Variants in TMCC1 observed in about 807,000 individuals in gnomAD.
TMCC1 encodes transmembrane and coiled-coil domains protein 1.
In TMCC1, 15 loss-of-function variants were observed where a neutral mutation model predicts 52.4. The observed-to-expected ratio is 0.29, with a 90% CI of 0.19 to 0.44. The LOEUF is 0.44. Ranked by LOEUF, TMCC1 falls within the 20% of genes least tolerant of loss-of-function variation. The pLI is 1.00. For missense variants in TMCC1, 503 were observed against 806.0 expected (o/e 0.62, Z 4.55); for synonymous variants, 279 against 301.9 (o/e 0.92, Z 0.79).
At chr3:129,707,842 G>A (rs935887288) in intron 4 of TMCC1, among the ~76,000 whole-genome samples, 2 of 151,818 alleles carry the variant, frequency 1.3e-5, no homozygotes, top group African/African-American at 4.8e-5. Flanking sequence ...TGAGGCAGGA[G>A]AACTGCTTGA....
intron 4 of TMCC1, among the ~76,000 whole-genome samples, chr3:129,752,926 C>T (rs751478739): frequency 2.0e-5 from 3 of 152,104 alleles, no homozygotes; most frequent in Non-Finnish European, 4.4e-5. Context: ...GAAGCAGGCA[C>T]ATCTTCACAT....
intron 2 of TMCC1, among the ~76,000 whole-genome samples, chr3:129,876,204 CTATGT>C (rs1295245789): frequency 6.7e-6 from 1 of 148,884 alleles, no homozygotes. Flanking sequence ...TTGATAATTG[CTATGT>C]TGAACACAAC....
intron 4 of TMCC1, among the ~76,000 whole-genome samples, chr3:129,724,919 TGGGATAAGGA>T (rs2049952730): frequency 6.6e-6 from 1 of 152,022 alleles, no homozygotes; most frequent in African/African-American, 2.4e-5. Flanking sequence ...AATAGTTCAG[TGGGATAAGGA>T]GGGATAAGGA....
intron 4 of TMCC1, among the ~76,000 whole-genome samples, chr3:129,714,680 A>C (rs1488499113): frequency 6.6e-6 from 1 of 152,188 alleles, no homozygotes; most frequent in African/African-American, 2.4e-5. Flanking sequence ...AGATTTTTCA[A>C]ACAGATAATG....
chr3:129,650,374 A>G lies in TMCC1; in HGVS notation c.*1107T>C, dbSNP rs1325513167. ...AACCCTTTCCTCTTCAACTAAGCCA[A>G]ACCCATAAAACGGGGGCGTAGGTAT... On this transcript the variant is annotated 3_prime_UTR_variant, in exon 7 of 7. Transcript: ENST00000393238. 6.6e-6 allele frequency: 1 copy of G among 152,468 alleles called. No individual in the cohort carries two copies. The highest frequency in any genetic ancestry group is 1.5e-5 in the Non-Finnish European group (1 of 68,056). The allele number at this position is 152,468 out of a possible 1,614,324, so 9.4% of individuals were successfully genotyped here. A position where few individuals can be genotyped will look rare whatever the true frequency, so the allele number is the denominator to read the frequency against.
chr3:129,651,380 CTT>C lies in TMCC1; in HGVS notation c.*99_*100del, dbSNP rs1322064617. The C allele has an allele frequency of 2.3e-5, 29 of 1,275,304 alleles. No individual in the cohort carries two copies. Among genetic ancestry groups the C allele is most frequent in the Non-Finnish European group, 5.4e-6 (5 of 921,930 alleles). 79.0% of individuals were successfully genotyped at this position (1,275,304 alleles called of 1,614,324 possible). A position where few individuals can be genotyped will look rare whatever the true frequency, so the allele number is the denominator to read the frequency against. Reference sequence around the variant, plus strand: ...TAAATGTAAACAGATTCACTCAACTCTTTTTTTGTTGTAGAAAACTTCAGAGT... The same window carrying C: ...TAAATGTAAACAGATTCACTCAACTCTTTTTGTTGTAGAAAACTTCAGAGT... On this transcript the variant is annotated 3_prime_UTR_variant, in exon 7 of 7. Coordinates refer to ENST00000393238, the MANE Select transcript of TMCC1 (RefSeq NM_001017395.5). This position sits in a 1 kb window ranked among gnomAD's most constrained non-coding sequence, Gnocchi z 5.1.
chr3:129,846,756 T>C (rs2059682103), intron 2 of TMCC1, among the ~76,000 whole-genome samples: 1 of 150,550 alleles, frequency 6.6e-6, no homozygotes, highest in African/African-American at 2.4e-5. Flanking sequence ...TGGCCAGGCA[T>C]AGTGGCTCAA....
At chr3:129,804,464 T>C (rs7356089) in intron 4 of TMCC1, among the ~76,000 whole-genome samples, 1,925 of 152,302 alleles carry the variant, frequency 0.013, 40 homozygotes, top group African/African-American at 0.042. Flanking sequence ...CCTTTGGCTA[T>C]TGTTGTTGCA....
At position 129,791,088 on chromosome 3, in the gene TMCC1, A is replaced by ATTT. The variant is rs34048545; in HGVS notation, c.576+36712_576+36714dup. Among the ~76,000 whole-genome samples the ATTT allele has an allele frequency of 6.6e-4, 55 of 82,958 alleles. 1 individual carries two copies. The highest frequency in any genetic ancestry group is 2.0e-3 in the African/African-American group (50 of 25,538). The allele number at this position is 82,958 out of a possible 152,430, so 54.4% of individuals were successfully genotyped here. A position where few individuals can be genotyped will look rare whatever the true frequency, so the allele number is the denominator to read the frequency against. ...TAGAGAGAATGATTGACACTCCATA[A>ATTT]TTTTTTTTTTTTTTTTTTTTTTTGA... On this transcript the variant is annotated intron_variant, in intron 4 of 6. Transcript: ENST00000393238.
chr3:129,762,927 G>A (rs1044057241), intron 4 of TMCC1, among the ~76,000 whole-genome samples: 1 of 151,952 alleles, frequency 6.6e-6, no homozygotes, highest in Non-Finnish European at 1.5e-5. Flanking sequence ...GGCCGGGCGC[G>A]GTGGCTCACG....
At chr3:129,791,132 C>T (rs980665918) in intron 4 of TMCC1, among the ~76,000 whole-genome samples, 3 of 136,636 alleles carry the variant, frequency 2.2e-5, no homozygotes, top group Admixed American at 1.6e-4. Context: ...CTCCCTCTGT[C>T]GCCCAGGCTG....
chr3:129,862,755 TA>T (rs1232337555), intron 2 of TMCC1, among the ~76,000 whole-genome samples: 1 of 152,220 alleles, frequency 6.6e-6, no homozygotes, highest in African/African-American at 2.4e-5. Context: ...CTTACTTACA[TA>T]AACTTTCCAA....
chr3:129,853,079 G>C (rs1049253976), intron 2 of TMCC1, among the ~76,000 whole-genome samples: 3 of 152,146 alleles, frequency 2.0e-5, no homozygotes, highest in African/African-American at 7.2e-5. Flanking sequence ...AATCATTCAT[G>C]AAGTATTTTT....
chr3:129,790,623 TTCCTC>T lies in TMCC1; in HGVS notation c.576+37175_576+37179del, dbSNP rs2056387135. ...CCCATAAAAGATTTTGGGAAATAGT[TTCCTC>T]TGATCAGAGTGCAGGCCAGAGTAAT... is the stretch of plus-strand genomic sequence containing the variant. On this transcript the variant is annotated intron_variant, in intron 4 of 6. Transcript: ENST00000393238. 3.3e-5 allele frequency among the ~76,000 whole-genome samples: 5 copies of T among 152,296 alleles called. No homozygotes were observed. In the South Asian group the frequency reaches 1.0e-3, roughly 32 times the overall value.
chr3:129,811,622 G>C (rs1303922870), intron 4 of TMCC1, among the ~76,000 whole-genome samples: 1 of 152,074 alleles, frequency 6.6e-6, no homozygotes, highest in African/African-American at 2.4e-5. Flanking sequence ...TTCAATAAAT[G>C]CAAGACTATG....
chr3:129,698,891 T>C (rs139817424), intron 4 of TMCC1, among the ~76,000 whole-genome samples: 94 of 152,284 alleles, frequency 6.2e-4, no homozygotes, highest in Non-Finnish European at 1.1e-3. Flanking sequence ...TTTATTTTAA[T>C]ATAAGCAATC....
intron 4 of TMCC1, among the ~76,000 whole-genome samples, chr3:129,765,400 C>A (rs1392005657): frequency 6.6e-6 from 1 of 151,914 alleles, no homozygotes; most frequent in Non-Finnish European, 1.5e-5. Flanking sequence ...ATATAACATC[C>A]ATTATTTATC....
chr3:129,769,666 TA>T (rs779344657), intron 4 of TMCC1, among the ~76,000 whole-genome samples: 1 of 151,580 alleles, frequency 6.6e-6, no homozygotes, highest in Non-Finnish European at 1.5e-5. Flanking sequence ...TGGACACCCC[TA>T]ATCTAAAGCA....
intron 4 of TMCC1, chr3:129,819,880 G>A (rs1348798405): frequency 1.3e-5 from 2 of 151,868 alleles, no homozygotes; most frequent in Non-Finnish European, 2.9e-5. Flanking sequence ...TATTTTTTAT[G>A]GACGTTGGGG....
Sources: gnomAD v4.1 joint callset for allele counts (sites outside exome capture counted in the v4.1 genomes callset) on GRCh38, gnomAD v4.1.1 for gene constraint, Gnocchi (gnomAD v3.1) non-coding constraint, MANE v1.5 for transcripts, NCBI Gene and HGNC (gene_info 2026-07-23, HGNC 2026-07-21) for gene names.